MGLL: variants seen among roughly 807,000 people sequenced by gnomAD.
The protein encoded by MGLL is lysophospholipase homolog.
A neutral mutation model predicts 29.1 loss-of-function variants in MGLL; 7 were observed. The observed-to-expected ratio is 0.24, with a 90% CI of 0.14 to 0.45. The LOEUF (loss-of-function observed/expected upper bound fraction) is 0.45, where lower values mean the gene tolerates loss of function less well. Ranked by LOEUF, MGLL falls within the 20% of genes least tolerant of loss-of-function variation. MGLL has a pLI of 0.99. For synonymous variants in MGLL, 148 were observed against 168.3 expected (o/e 0.88, Z 0.93); for missense variants, 356 against 413.6 (o/e 0.86, Z 1.21).
chr3:127,693,163 C>T (rs2075279833), intron 7 of MGLL, among the ~76,000 whole-genome samples: 2 of 152,226 alleles, frequency 1.3e-5, no homozygotes, highest in African/African-American at 4.8e-5. Context: ...GTCAGTCTCT[C>T]TGCCTGGCGT....
chr3:127,817,263 G>A (rs2077774087), intron 2 of MGLL, among the ~76,000 whole-genome samples: 1 of 152,234 alleles, frequency 6.6e-6, no homozygotes, highest in African/African-American at 2.4e-5. Flanking sequence ...GTGAGGGCAG[G>A]GCTCTGGAGG....
chr3:127,747,097 C>T (rs1293810910), intron 3 of MGLL, among the ~76,000 whole-genome samples: 1 of 152,204 alleles, frequency 6.6e-6, no homozygotes, highest in Non-Finnish European at 1.5e-5. Flanking sequence ...CTCTGTCCCT[C>T]CACTTAAGTG....
rs371128734 is a variant in MGLL at position 127,754,560 on chromosome 3, C to T, written c.262+27229G>A. Among the ~76,000 whole-genome samples, 13 of 152,170 alleles carry T rather than the reference C, an allele frequency of 8.5e-5. 1 individual carries two copies. In the East Asian group the frequency reaches 1.2e-3, roughly 14 times the overall value. On this transcript the variant is annotated intron_variant, in intron 3 of 7. Transcript: ENST00000265052. ...CCTGTGTCCATTTCACCAGGGTGGA[C>T]GCTGAGGCACAGAGAGGAGAGAGGG...
chr3:127,735,837 T>C, intron 3 of MGLL: 1 of 1,597,926 alleles, frequency 6.3e-7, no homozygotes, highest in Non-Finnish European at 8.5e-7. Context: ...CAGGGGAAGA[T>C]CCTTCTGAAT....
intron 4 of MGLL, 128 bp downstream of exon 4, chr3:127,722,302 G>A: frequency 1.5e-6 from 2 of 1,342,636 alleles, no homozygotes; most frequent in East Asian, 4.7e-5. Context: ...CAAGTGCAGT[G>A]CACAAAGGGA....
At chr3:127,740,600 C>T (rs1456070903) in intron 3 of MGLL, among the ~76,000 whole-genome samples, 1 of 152,172 alleles carries the variant, frequency 6.6e-6, no homozygotes, top group Non-Finnish European at 1.5e-5. Flanking sequence ...GGGGGTTGTG[C>T]AGGGCAGTAG....
chr3:127,781,934 C>T (rs951329801), intron 2 of MGLL, 39 bp from the exon 3 acceptor site: 1 of 1,600,668 alleles, frequency 6.2e-7, no homozygotes, highest in South Asian at 1.1e-5. Context: ...GGAAAGCCCA[C>T]ACGGGGCTGG....
At chr3:127,805,949 A>C (rs1170267395) in intron 2 of MGLL, among the ~76,000 whole-genome samples, 1 of 152,250 alleles carries the variant, frequency 6.6e-6, no homozygotes, top group Non-Finnish European at 1.5e-5. Context: ...AATTTTAAGA[A>C]ACTCATGTAT....
chr3:127,744,098 C>T lies in MGLL; in HGVS notation c.263-21532G>A, dbSNP rs2076396625. 3.3e-5 allele frequency among the ~76,000 whole-genome samples: 5 copies of T among 152,132 alleles called. No homozygotes were observed. In the South Asian group the frequency reaches 1.0e-3, roughly 32 times the overall value. ...AAGATGCCAGAATTCAGCATATGGG[C>T]TCTGGAAACACATTTCGACTCAGAA... On this transcript the variant is annotated intron_variant, in intron 3 of 7. Coordinates refer to ENST00000265052, the MANE Select transcript of MGLL (RefSeq NM_007283.7).
At chr3:127,719,589 G>C (rs1020273004) in intron 5 of MGLL, among the ~76,000 whole-genome samples, 1 of 152,230 alleles carries the variant, frequency 6.6e-6, no homozygotes, top group Admixed American at 6.5e-5. Flanking sequence ...GAACGCAGCG[G>C]GAACGCCCCT....
chr3:127,777,159 A>C (rs1310146962), intron 3 of MGLL, among the ~76,000 whole-genome samples: 5 of 152,192 alleles, frequency 3.3e-5, no homozygotes, highest in African/African-American at 1.2e-4. Context: ...AACTTCAACC[A>C]ATGCTTATTA....
intron 3 of MGLL, among the ~76,000 whole-genome samples, chr3:127,729,747 T>C (rs1294971698): frequency 6.6e-6 from 1 of 152,238 alleles, no homozygotes; most frequent in Non-Finnish European, 1.5e-5. Flanking sequence ...GGTTTGCTTA[T>C]TCATGAGCCA....
intron 3 of MGLL, among the ~76,000 whole-genome samples, chr3:127,768,346 A>T (rs2076893055): frequency 6.6e-6 from 1 of 152,188 alleles, no homozygotes. Context: ...CATAACAAAA[A>T]ACAGACTGCA....
intron 7 of MGLL, among the ~76,000 whole-genome samples, chr3:127,693,741 C>T (rs943271624): frequency 7.9e-5 from 12 of 152,232 alleles, no homozygotes; most frequent in South Asian, 2.1e-4. Flanking sequence ...CACCAGGATA[C>T]AGGTTCCGGG....
At position 127,807,184 on chromosome 3, in the gene MGLL, C is replaced by A. The variant is rs58010293; in HGVS notation, c.155+14510G>T. 2.2e-3 allele frequency among the ~76,000 whole-genome samples: 342 copies of A among 152,162 alleles called. 7 individuals are homozygous for A. The highest frequency in any genetic ancestry group is 7.9e-3 in the African/African-American group (327 of 41,548). On this transcript the variant is annotated intron_variant, in intron 2 of 7. Coordinates refer to ENST00000265052, the MANE Select transcript of MGLL (RefSeq NM_007283.7). ...TTTGCTTACCAATTCAATGTCTTTA[C>A]TTGTTTTAAGTCTAAGTTTGGGTCT...
chr3:127,782,026 GC>G, intron 2 of MGLL, 131 bp from the exon 3 acceptor site: 2 of 801,154 alleles, frequency 2.5e-6, no homozygotes, highest in Non-Finnish European at 4.3e-6. Context: ...TTTGAGACCA[GC>G]CTGACCAACA....
chr3:127,710,938 C>G (rs1439144626), intron 5 of MGLL: 6 of 489,120 alleles, frequency 1.2e-5, no homozygotes, highest in Admixed American at 3.3e-5. Context: ...TTTGCCCGCT[C>G]TATACCCTCC....
intron 6 of MGLL, among the ~76,000 whole-genome samples, chr3:127,696,579 A>G (rs888495845): frequency 6.6e-6 from 1 of 151,444 alleles, no homozygotes; most frequent in Admixed American, 6.6e-5. Flanking sequence ...ACACCCAGCT[A>G]ATTTTTGTAT....
At chr3:127,778,123 C>CAATGAG (rs1446531907) in intron 3 of MGLL, among the ~76,000 whole-genome samples, 1 of 152,248 alleles carries the variant, frequency 6.6e-6, no homozygotes, top group African/African-American at 2.4e-5. Context: ...ATGCATTGAG[C>CAATGAG]AATGAGACCC....
Sources: gnomAD v4.1 joint callset for allele counts (sites outside exome capture counted in the v4.1 genomes callset) on GRCh38, gnomAD v4.1.1 for gene constraint, MANE v1.5 for transcripts, NCBI Gene and HGNC (gene_info 2026-07-23, HGNC 2026-07-21) for gene names.